RBFOX1: variants seen among roughly 807,000 people sequenced by gnomAD.
RBFOX1 encodes the protein RNA binding fox-1 homolog 1, also known as RNA binding protein fox-1 homolog 1.
RBFOX1 carries 8 observed loss-of-function variants against 57.7 expected under a neutral mutation model. That is an observed-to-expected ratio of 0.14 (90% CI 0.08 to 0.25). The LOEUF is 0.25. RBFOX1 is among the 10% of genes least tolerant of loss of function. RBFOX1 has a pLI of 1.00. For missense variants in RBFOX1, 611 were observed against 548.5 expected (o/e 1.11, Z -1.14); for synonymous variants, 326 against 222.4 (o/e 1.47, Z -4.15).
chr16:6,951,363 C>T (rs1410338105), intron 3 of RBFOX1, among the ~76,000 whole-genome samples: 1 of 152,126 alleles, frequency 6.6e-6, no homozygotes, highest in Non-Finnish European at 1.5e-5. Flanking sequence ...ACTCTTTCTA[C>T]CAAATAAATC....
intron 3 of RBFOX1, among the ~76,000 whole-genome samples, chr16:6,877,240 C>G (rs1399303666): frequency 6.6e-6 from 1 of 152,168 alleles, no homozygotes. Flanking sequence ...TTTCATAAAT[C>G]CCACATGTTG....
chr16:5,435,416 G>A (rs1406576456), intron 1 of RBFOX1, among the ~76,000 whole-genome samples: 2 of 152,090 alleles, frequency 1.3e-5, no homozygotes, highest in African/African-American at 4.8e-5. Flanking sequence ...GAGCTTAGAG[G>A]GAGACTGGTC....
chr16:5,868,034 C>G (rs1225267271), intron 4 of RBFOX1, among the ~76,000 whole-genome samples: 1 of 152,098 alleles, frequency 6.6e-6, no homozygotes, highest in Non-Finnish European at 1.5e-5. Flanking sequence ...TCTACTCAGT[C>G]TCCAAGGCAT....
intron 3 of RBFOX1, among the ~76,000 whole-genome samples, chr16:6,964,813 C>G (rs887641371): frequency 2.2e-4 from 34 of 152,194 alleles, no homozygotes; most frequent in African/African-American, 7.5e-4. Context: ...TAAGAAAGGC[C>G]TTTGTCTAAA....
intron 2 of RBFOX1, among the ~76,000 whole-genome samples, chr16:6,543,456 C>T (rs1037958080): frequency 6.6e-6 from 1 of 152,130 alleles, no homozygotes; most frequent in Non-Finnish European, 1.5e-5. Flanking sequence ...CATTTTCTTT[C>T]TTGACTCTGA....
At chr16:6,301,418 T>G (rs2078809367) in intron 1 of RBFOX1, among the ~76,000 whole-genome samples, 1 of 152,194 alleles carries the variant, frequency 6.6e-6, no homozygotes, top group African/African-American at 2.4e-5. Context: ...GCAGGTCTCA[T>G]TGAAATAAGT....
chr16:7,397,374 A>G (rs1157937835), intron 4 of RBFOX1, among the ~76,000 whole-genome samples: 2 of 152,194 alleles, frequency 1.3e-5, no homozygotes, highest in African/African-American at 4.8e-5. Context: ...GTAGGACACC[A>G]GTCTATGAAC....
chr16:6,266,352 A>G (rs779856628), intron 1 of RBFOX1, among the ~76,000 whole-genome samples: 1 of 152,230 alleles, frequency 6.6e-6, no homozygotes, highest in Non-Finnish European at 1.5e-5. Flanking sequence ...GTTGTGTCTC[A>G]GAAGCCATTT....
At chr16:6,688,870 G>A (rs536709948) in intron 3 of RBFOX1, among the ~76,000 whole-genome samples, 45 of 152,228 alleles carry the variant, frequency 3.0e-4, no homozygotes, top group Non-Finnish European at 5.7e-4. Context: ...TCCCACTTAT[G>A]AGGGAGAACA....
intron 14 of RBFOX1, chr16:7,693,187 C>G (rs945377864): frequency 2.8e-6 from 2 of 721,128 alleles, no homozygotes; most frequent in South Asian, 1.7e-5. Flanking sequence ...TACATCAGCA[C>G]ATTTCCTCGC....
chr16:7,141,222 G>T (rs531458187), intron 4 of RBFOX1, among the ~76,000 whole-genome samples: 1 of 152,188 alleles, frequency 6.6e-6, no homozygotes, highest in Non-Finnish European at 1.5e-5. Flanking sequence ...GTGAGTGTTA[G>T]TGCTGGATCC....
At chr16:5,241,467 C>T (rs545420330) in intron 1 of RBFOX1, among the ~76,000 whole-genome samples, 7 of 152,224 alleles carry the variant, frequency 4.6e-5, no homozygotes, top group Non-Finnish European at 1.0e-4. Context: ...GACCAGGATA[C>T]TAGAATGCAG....
At chr16:5,250,878 A>T (rs2062433334) in intron 1 of RBFOX1, among the ~76,000 whole-genome samples, 1 of 152,122 alleles carries the variant, frequency 6.6e-6, no homozygotes, top group Admixed American at 6.6e-5. Context: ...CATTTCTGTG[A>T]GATGTTCCTG....
intron 2 of RBFOX1, among the ~76,000 whole-genome samples, chr16:6,566,889 A>T (rs1008092842): frequency 6.6e-6 from 1 of 152,154 alleles, no homozygotes; most frequent in Non-Finnish European, 1.5e-5. Context: ...TATTTTCCCC[A>T]TATCTTTTTT....
chr16:6,569,170 C>G (rs1485338476), intron 2 of RBFOX1, among the ~76,000 whole-genome samples: 1 of 152,180 alleles, frequency 6.6e-6, no homozygotes, highest in East Asian at 1.9e-4. Flanking sequence ...AGCTTTTCTT[C>G]TTACAGAATT....
chr16:6,915,944 G>C (rs1260984039), intron 3 of RBFOX1, among the ~76,000 whole-genome samples: 1 of 152,144 alleles, frequency 6.6e-6, no homozygotes, highest in Non-Finnish European at 1.5e-5. Context: ...TGCTGAAGTT[G>C]CTGAGAAACC....
At chr16:5,287,767 T>C (rs1394656877) in intron 1 of RBFOX1, among the ~76,000 whole-genome samples, 1 of 152,194 alleles carries the variant, frequency 6.6e-6, no homozygotes, top group Non-Finnish European at 1.5e-5. Context: ...TGCAGATTAA[T>C]ATTCCAGTGG....
intron 3 of RBFOX1, among the ~76,000 whole-genome samples, chr16:6,903,710 C>G (rs903376490): frequency 1.3e-5 from 2 of 152,192 alleles, no homozygotes; most frequent in East Asian, 3.9e-4. Context: ...GGCAGCAGAG[C>G]AAGCACTGGG....
chr16:5,328,644 C>G (rs564727104), intron 1 of RBFOX1, among the ~76,000 whole-genome samples: 12 of 152,344 alleles, frequency 7.9e-5, no homozygotes, highest in South Asian at 4.1e-4. Flanking sequence ...CGTGGAAGAT[C>G]TAATGAGATG....
Sources: gnomAD v4.1 joint callset for allele counts (sites outside exome capture counted in the v4.1 genomes callset) on GRCh38, gnomAD v4.1.1 for gene constraint, MANE v1.5 for transcripts, NCBI Gene and HGNC (gene_info 2026-07-23, HGNC 2026-07-21) for gene names.